OSMR: variants seen among roughly 807,000 people sequenced by gnomAD.
The protein encoded by OSMR is oncostatin M receptor.
In OSMR, 81 loss-of-function variants were observed where a neutral mutation model predicts 99.9. That is an observed-to-expected ratio of 0.81 (90% CI 0.68 to 0.97). The LOEUF is 0.97. OSMR is among the 50% of genes least tolerant of loss of function. The pLI, the probability that OSMR is intolerant of heterozygous loss-of-function variation, is 0.00. For missense variants in OSMR, 1,099 were observed against 1,153.4 expected, an observed-to-expected ratio of 0.95 and a Z score of 0.68; for synonymous variants, 406 against 410.4, an observed-to-expected ratio of 0.99 and a Z score of 0.13.
chr5:38,918,417 G>A (rs1278501096), intron 10 of OSMR, among the ~76,000 whole-genome samples: 1 of 152,074 alleles, frequency 6.6e-6, no homozygotes, highest in Non-Finnish European at 1.5e-5. Context: ...ATCCCTGTAC[G>A]GCTGCATAGG....
intron 9 of OSMR, among the ~76,000 whole-genome samples, chr5:38,911,547 C>T (rs1004658288): frequency 6.6e-6 from 1 of 152,162 alleles, no homozygotes; most frequent in African/African-American, 2.4e-5. Context: ...GGGGACTCCT[C>T]CCTAACTCAT....
At position 38,935,416 on chromosome 5, in the gene OSMR, C is replaced by G. The variant is rs192205678; in HGVS notation, c.*1972C>G. Reference sequence around the variant, plus strand: ...GAAAGCGGTATCCTGATTAGTCTAACAGTTGTGTTAGACTTTAGGGCCAGT... The same window carrying G: ...GAAAGCGGTATCCTGATTAGTCTAAGAGTTGTGTTAGACTTTAGGGCCAGT... On this transcript the variant is annotated 3_prime_UTR_variant, in exon 18 of 18. Transcript: ENST00000274276. The G allele has an allele frequency of 4.6e-5, 7 of 152,226 alleles. No homozygotes were observed. In the East Asian group the frequency reaches 1.4e-3, roughly 29 times the overall value. 9.4% of individuals were successfully genotyped at this position (152,226 alleles called of 1,614,324 possible).
chr5:38,908,096 C>T (rs1561391487), intron 9 of OSMR, among the ~76,000 whole-genome samples: 1 of 152,178 alleles, frequency 6.6e-6, no homozygotes, highest in Non-Finnish European at 1.5e-5. Flanking sequence ...CAACTCTGCC[C>T]CTACCCCTGT....
intron 15 of OSMR, among the ~76,000 whole-genome samples, chr5:38,930,000 A>C (rs966294110): frequency 2.0e-5 from 3 of 152,138 alleles, no homozygotes; most frequent in South Asian, 4.1e-4. Flanking sequence ...TGACATGTGG[A>C]TAATCATACT....
chr5:38,847,338 C>T (rs1739928038), intron 1 of OSMR, among the ~76,000 whole-genome samples: 1 of 152,126 alleles, frequency 6.6e-6, no homozygotes, highest in African/African-American at 2.4e-5. Flanking sequence ...TTAAGCTTCA[C>T]GGGTGAGGCG....
chr5:38,904,204 A>C, intron 8 of OSMR, 149 bp from the exon 9 acceptor site: 1 of 1,525,350 alleles, frequency 6.6e-7, no homozygotes, highest in Non-Finnish European at 8.8e-7. Context: ...ATGGGCCTTG[A>C]AGATTTTTTT....
At chr5:38,871,672 T>G (rs1203467499) in intron 2 of OSMR, among the ~76,000 whole-genome samples, 1 of 152,232 alleles carries the variant, frequency 6.6e-6, no homozygotes, top group Non-Finnish European at 1.5e-5. Context: ...CTGTCTGTTG[T>G]GTATATGTAC....
chr5:38,916,319 C>A (rs1172007769), intron 9 of OSMR, among the ~76,000 whole-genome samples: 1 of 152,154 alleles, frequency 6.6e-6, no homozygotes, highest in Non-Finnish European at 1.5e-5. Flanking sequence ...CTTCAATTGA[C>A]CATCCATTTT....
chr5:38,887,768 A>C (rs1313144379), intron 7 of OSMR, among the ~76,000 whole-genome samples: 1 of 152,148 alleles, frequency 6.6e-6, no homozygotes, highest in Non-Finnish European at 1.5e-5. Context: ...TATAAATGCA[A>C]CTTGGAGAGA....
At chr5:38,892,993 A>T (rs940699119) in intron 7 of OSMR, among the ~76,000 whole-genome samples, 1 of 152,182 alleles carries the variant, frequency 6.6e-6, no homozygotes, top group Admixed American at 6.5e-5. Context: ...CTCTGCCCAC[A>T]TTTGTCACCC....
rs748051565 is a variant in OSMR at position 38,886,047 on chromosome 5, G to A, written c.848G>A (p.Gly283Glu). The A allele has an allele frequency of 3.1e-6, 5 of 1,613,106 alleles. No homozygotes were observed. The South Asian group carries it at 5.5e-5, about 18-fold the overall frequency. ...TTGTTTTGTTTTTAAAGATTTTCTG[G>A]GGAAAAGAAACTTTGTACACACAAA... ...QSYTLFESFS[G>E]EKKLCTHKNW... The change falls in exon 7 of 18, where the codon GGG becomes GAG. Residue 283 changes from glycine to glutamate, a missense_variant. Physicochemically the swap from Gly to Glu is moderately conservative, Grantham distance 98. Transcript: ENST00000274276.
chr5:38,847,975 C>T (rs1398841423), intron 1 of OSMR, among the ~76,000 whole-genome samples: 1 of 152,204 alleles, frequency 6.6e-6, no homozygotes, highest in Middle Eastern at 3.2e-3. Context: ...AGACCAGGAA[C>T]ACATGCAGAG....
At position 38,883,989 on chromosome 5, in the gene OSMR, A is replaced by C. The variant is rs895790017; in HGVS notation, c.581A>C (p.His194Pro). 8.1e-6 allele frequency: 13 copies of C among 1,613,174 alleles called. No individual in the cohort carries two copies. The highest frequency in any genetic ancestry group is 1.1e-5 in the Non-Finnish European group (13 of 1,179,206). Residue 194 changes from histidine to proline, a missense_variant, in exon 5 of 18, where the codon CAT becomes CCT. His to Pro is a moderately conservative substitution (Grantham distance 77, BLOSUM62 -2). Transcript: ENST00000274276. ...ATTCATGGAGAACAACTTGATCCAC[A>C]TGTAACTGCATTCAACTTGAATAGT... ...KQIHGEQLDP[H>P]VTAFNLNSVP...
At chr5:38,942,180 C>T (rs548222798) in intron 1 of OSMR, 26 of 507,474 alleles carry the variant, frequency 5.1e-5, no homozygotes, top group Admixed American at 4.0e-4. Flanking sequence ...CCAGTAACTG[C>T]GGAACAGTGT....
At chr5:38,908,415 C>A (rs1019329021) in intron 9 of OSMR, among the ~76,000 whole-genome samples, 2 of 152,212 alleles carry the variant, frequency 1.3e-5, no homozygotes, top group African/African-American at 2.4e-5. Flanking sequence ...GATGCACATA[C>A]AAACCACTGC....
intron 6 of OSMR, 182 bp from the exon 7 acceptor site, chr5:38,885,857 A>T (rs1045035765): frequency 1.0e-6 from 1 of 984,228 alleles, no homozygotes; most frequent in Middle Eastern, 5.2e-4. Flanking sequence ...TTCAGCACGT[A>T]TGTCAAATTT....
intron 1 of OSMR, among the ~76,000 whole-genome samples, chr5:38,847,565 G>T (rs980591753): frequency 2.4e-4 from 37 of 152,244 alleles, no homozygotes; most frequent in Middle Eastern, 3.4e-3. Context: ...AATGCACTCA[G>T]AGCCCTTGAT....
At chr5:38,849,576 T>C (rs1407953486) in intron 1 of OSMR, among the ~76,000 whole-genome samples, 1 of 152,192 alleles carries the variant, frequency 6.6e-6, no homozygotes, top group Admixed American at 6.5e-5. Context: ...ACTTTTTTTA[T>C]AAATCACATA....
Position 38,903,924 on chromosome 5 carries a change from A to G in OSMR, c.1034A>G (p.Asn345Ser). Residue 345 changes from asparagine to serine, a missense_variant, in exon 8 of 18, where the codon AAT becomes AGT. Transcript: ENST00000274276. ...NPFSVNFENV[N>S]ATNAIMTWKV... ...TTTAGTGTCAACTTTGAAAATGTAAATGCCACAAATGCCATCATGACCTGG... is the reference window on the plus strand; with the variant it reads ...TTTAGTGTCAACTTTGAAAATGTAAGTGCCACAAATGCCATCATGACCTGG... The G allele has an allele frequency of 6.2e-7, 1 of 1,613,540 alleles. No homozygotes were observed. The highest frequency in any genetic ancestry group is 2.2e-5 in the East Asian group (1 of 44,840).
Sources: gnomAD v4.1 joint callset for allele counts (sites outside exome capture counted in the v4.1 genomes callset) on GRCh38, gnomAD v4.1.1 for gene constraint, MANE v1.5 for transcripts, NCBI Gene and HGNC (gene_info 2026-07-23, HGNC 2026-07-21) for gene names.